MARCHF1: variants seen among roughly 807,000 people sequenced by gnomAD.
The protein encoded by MARCHF1 is membrane associated ring-CH-type finger 1, also known as E3 ubiquitin-protein ligase MARCHF1.
A neutral mutation model predicts 54.2 loss-of-function variants in MARCHF1; 40 were observed. That is an observed-to-expected ratio of 0.74 (90% CI 0.57 to 0.96). MARCHF1 has a LOEUF of 0.96. Among genes scored for constraint, MARCHF1 ranks in the 40% least tolerant of loss-of-function variants. The pLI is 0.00. For missense variants in MARCHF1, 586 were observed against 656.5 expected (o/e 0.89, Z 1.17); for synonymous variants, 236 against 236.3 (o/e 1.00, Z 0.01).
chr4:163,656,929 G>T (rs1251397409), intron 5 of MARCHF1, among the ~76,000 whole-genome samples: 1 of 151,688 alleles, frequency 6.6e-6, no homozygotes, highest in South Asian at 2.1e-4. Flanking sequence ...GACATTTATG[G>T]CAGGCCCACA....
chr4:163,910,879 T>C (rs1443660459), intron 3 of MARCHF1, among the ~76,000 whole-genome samples: 1 of 152,190 alleles, frequency 6.6e-6, no homozygotes, highest in Non-Finnish European at 1.5e-5. Context: ...TTTTAGTAAA[T>C]TGATTTGCTA....
At chr4:163,795,639 G>A (rs541154755) in intron 4 of MARCHF1, among the ~76,000 whole-genome samples, 10 of 152,206 alleles carry the variant, frequency 6.6e-5, no homozygotes, top group African/African-American at 1.9e-4. Context: ...GTCATTTCCC[G>A]GCAGAAATGT....
At chr4:164,091,377 A>G (rs1755295719) in intron 2 of MARCHF1, among the ~76,000 whole-genome samples, 1 of 146,996 alleles carries the variant, frequency 6.8e-6, no homozygotes, top group Non-Finnish European at 1.5e-5. Flanking sequence ...ATATGTAAAA[A>G]TAGGGACAAC....
chr4:164,161,326 T>C (rs1008724538), intron 1 of MARCHF1, among the ~76,000 whole-genome samples: 5 of 152,156 alleles, frequency 3.3e-5, no homozygotes, highest in Non-Finnish European at 7.4e-5. Flanking sequence ...GTAAGTTTCA[T>C]GAGGCCTCCC....
chr4:163,781,169 G>A (rs919811787), intron 4 of MARCHF1, among the ~76,000 whole-genome samples: 2 of 152,146 alleles, frequency 1.3e-5, no homozygotes, highest in African/African-American at 4.8e-5. Context: ...TGGCCAACAC[G>A]ATGAAACCCC....
rs34981725 is a variant in MARCHF1, at chr4:164,174,049, G to A, written c.-322-62387C>T. Among the ~76,000 whole-genome samples, 24 of 152,196 alleles carry A rather than the reference G, an allele frequency of 1.6e-4. No individual in the cohort carries two copies. In the South Asian group the frequency reaches 4.4e-3, roughly 28 times the overall value. ...ATAAGGTCAACAAACTTTCTAAAAC[G>A]TGTCCATTAGAAAACACTAGTCAAT... On this transcript the variant is annotated intron_variant, in intron 1 of 9. Coordinates refer to ENST00000514618, the MANE Select transcript of MARCHF1 (RefSeq NM_001394959.1).
chr4:163,683,790 A>G (rs1431754736), intron 5 of MARCHF1, among the ~76,000 whole-genome samples: 2 of 152,090 alleles, frequency 1.3e-5, no homozygotes, highest in African/African-American at 4.8e-5. Context: ...TTTGCTCACA[A>G]CTCTGCATTC....
intron 4 of MARCHF1, among the ~76,000 whole-genome samples, chr4:163,770,563 CAA>C (rs1491120924): frequency 1.4e-5 from 2 of 145,936 alleles, no homozygotes; most frequent in African/African-American, 5.1e-5. Context: ...CACACACACA[CAA>C]ACACACACAC....
At position 164,260,840 on chromosome 4, in the gene MARCHF1, G is replaced by A. The variant is rs144113707; in HGVS notation, c.-323+123030C>T. On this transcript the variant is annotated intron_variant, in intron 1 of 9. Coordinates refer to ENST00000514618, the MANE Select transcript of MARCHF1 (RefSeq NM_001394959.1). ...ATAAAGGAGTGGAAAACACAAAGAT[G>A]AGTAACTGCACCTTTCAAAAGACTA... 2.4e-4 allele frequency among the ~76,000 whole-genome samples: 37 copies of A among 152,300 alleles called. No homozygotes were observed. In the East Asian group the frequency reaches 6.2e-3, roughly 25 times the overall value.
chr4:163,994,409 A>G (rs1295853470), intron 2 of MARCHF1, among the ~76,000 whole-genome samples: 1 of 151,698 alleles, frequency 6.6e-6, no homozygotes, highest in Non-Finnish European at 1.5e-5. Flanking sequence ...AAACCCTGGT[A>G]TTCTCAAGCC....
chr4:163,972,854 G>A lies in MARCHF1; in HGVS notation c.-39+15647C>T, dbSNP rs147856351. Among the ~76,000 whole-genome samples, 434 of 152,156 alleles carry A rather than the reference G, an allele frequency of 2.9e-3. 2 individuals carry two copies. The highest frequency in any genetic ancestry group is 0.01 in the African/African-American group (416 of 41,504). On this transcript the variant is annotated intron_variant, in intron 3 of 9. Transcript: ENST00000514618. ...TTACAGGCGTGAGCCACCGCGCCCGGCCTTAATGTATATGTTTAAAAGCTC... is the reference window on the plus strand; with the variant it reads ...TTACAGGCGTGAGCCACCGCGCCCGACCTTAATGTATATGTTTAAAAGCTC...
chr4:164,214,497 T>C (rs1244516783), intron 1 of MARCHF1, among the ~76,000 whole-genome samples: 2 of 152,150 alleles, frequency 1.3e-5, no homozygotes, highest in Non-Finnish European at 2.9e-5. Context: ...AAATGTCTAA[T>C]ATGACATGAT....
intron 3 of MARCHF1, among the ~76,000 whole-genome samples, chr4:163,972,205 G>A (rs2110841250): frequency 6.6e-6 from 1 of 152,194 alleles, no homozygotes; most frequent in East Asian, 1.9e-4. Flanking sequence ...TCAGGGGGTG[G>A]GGAGCTAGGG....
At chr4:164,290,592 C>T (rs186332784) in intron 1 of MARCHF1, among the ~76,000 whole-genome samples, 1 of 151,908 alleles carries the variant, frequency 6.6e-6, no homozygotes, top group African/African-American at 2.4e-5. Context: ...TTCTTAATTA[C>T]TTACCTAATT....
intron 2 of MARCHF1, among the ~76,000 whole-genome samples, chr4:164,101,801 G>A (rs1411057645): frequency 3.3e-5 from 5 of 150,042 alleles, no homozygotes; most frequent in Non-Finnish European, 7.4e-5. Flanking sequence ...GGCTTCAGAC[G>A]ATCAAATTAC....
intron 3 of MARCHF1, among the ~76,000 whole-genome samples, chr4:163,925,148 T>C (rs1158409060): frequency 3.3e-5 from 5 of 151,906 alleles, no homozygotes; most frequent in African/African-American, 9.7e-5. Context: ...GCTGGCATTT[T>C]TGAAATTTGT....
intron 1 of MARCHF1, among the ~76,000 whole-genome samples, chr4:164,361,679 T>C (rs1730726094): frequency 1.3e-5 from 2 of 152,148 alleles, no homozygotes; most frequent in African/African-American, 4.8e-5. Flanking sequence ...ACCATGAGAA[T>C]TTATTGTAGC....
intron 1 of MARCHF1, among the ~76,000 whole-genome samples, chr4:164,231,360 AT>A (rs1291731516): frequency 6.6e-6 from 1 of 152,054 alleles, no homozygotes; most frequent in South Asian, 2.1e-4. Flanking sequence ...TGGCCAATTT[AT>A]TTTTTTATGG....
At chr4:163,903,677 C>A (rs1165815334) in intron 3 of MARCHF1, among the ~76,000 whole-genome samples, 1 of 151,858 alleles carries the variant, frequency 6.6e-6, no homozygotes, top group Non-Finnish European at 1.5e-5. Context: ...ATGGTTCAAT[C>A]TTGGTTCACT....
Sources: gnomAD v4.1 joint callset for allele counts (sites outside exome capture counted in the v4.1 genomes callset) on GRCh38, gnomAD v4.1.1 for gene constraint, MANE v1.5 for transcripts, NCBI Gene and HGNC (gene_info 2026-07-23, HGNC 2026-07-21) for gene names.